Variants in CXCL16 observed in about 807,000 individuals in gnomAD.
The protein encoded by CXCL16 is C-X-C motif chemokine ligand 16, also known as C-X-C motif chemokine 16.
Under a neutral mutation model 23.8 loss-of-function variants are expected in CXCL16, and 18 were observed. That is an observed-to-expected ratio of 0.76 (90% CI 0.52 to 1.12). The LOEUF (loss-of-function observed/expected upper bound fraction) is 1.12, where lower values mean the gene tolerates loss of function less well. Among genes scored for constraint, CXCL16 ranks in the 50% most tolerant of loss-of-function variants. CXCL16 has a pLI of 0.00. For missense variants in CXCL16, 297 were observed against 315.4 expected (o/e 0.94, Z 0.44); for synonymous variants, 123 against 132.5 (o/e 0.93, Z 0.49).
In CXCL16 at chr17:4,735,312, A is replaced by T; in HGVS notation, c.498T>A (p.Arg166=). The change falls in exon 4 of 6, where the codon CGT becomes CGA. Residue 166 remains arginine (R), a synonymous_variant. Coordinates refer to ENST00000293778, the MANE Select transcript of CXCL16 (RefSeq NM_001386809.1). ...CAGTGTGAATGGTGGTTTCATTGGG[A>T]CGAGTGAGCTCTTTGTCCGAGGACA... is the stretch of plus-strand genomic sequence containing the variant. ...GSLSSDKELT[R]PNETTIHTAG... 1.2e-6 allele frequency: 2 copies of T among 1,613,732 alleles called. No individual in the cohort carries two copies. Among genetic ancestry groups the T allele is most frequent in the Non-Finnish European group, 1.7e-6 (2 of 1,179,764 alleles).
chr17:4,739,292 AAGCAGGAGCAGG>A lies in CXCL16; in HGVS notation c.36_47del (p.Leu17_Leu20del). 1 of 1,610,516 alleles carries A rather than the reference AAGCAGGAGCAGG, an allele frequency of 6.2e-7. No individual in the cohort carries two copies. The highest frequency in any genetic ancestry group is 8.5e-7 in the Non-Finnish European group (1 of 1,178,386). On this transcript the variant is annotated inframe_deletion, in exon 1 of 6. Transcript: ENST00000293778. The surrounding 1 kb of genome is among the most constrained non-coding windows in gnomAD (Gnocchi z 5.3). ...GAGTCAGGTACACCAGCAGGAGCAG[AAGCAGGAGCAGG>A]AGCACGCGGGACCCGGGCCGCAAGT...
intron 3 of CXCL16, among the ~76,000 whole-genome samples, chr17:4,735,713 C>A (rs535315387): frequency 8.5e-5 from 1 of 11,754 alleles, no homozygotes; most frequent in Non-Finnish European, 2.6e-4. Context: ...CCTTCAGAAA[C>A]AAAGACCCGA....
rs1030879784 is a variant in CXCL16 at position 4,735,722 on chromosome 17, G to A, written c.302-214C>T. ...TAGGAACCTTCAGAAACAAAGACCC[G>A]AGAAAAGTGCATTTTTATGCTTAGG... On this transcript the variant is annotated intron_variant, in intron 3 of 5. Transcript: ENST00000293778. Among the ~76,000 whole-genome samples, 22 of 4,884 alleles carry A rather than the reference G, an allele frequency of 4.5e-3. No individual in the cohort carries two copies. In the South Asian group the frequency reaches 0.42, roughly 93 times the overall value. The allele number at this position is 4,884 out of a possible 152,430, so 3.2% of individuals were successfully genotyped here.
chr17:4,734,490 A>G lies in CXCL16; in HGVS notation c.*24-11T>C, dbSNP rs749663954. 19 of 847,098 alleles carry G rather than the reference A, an allele frequency of 2.2e-5. No homozygotes were observed. The highest frequency in any genetic ancestry group is 3.4e-5 in the African/African-American group (2 of 59,106). The allele number at this position is 847,098 out of a possible 1,614,324, so 52.5% of individuals were successfully genotyped here. ...ACATAGAGTCCGTCTCTAAAAAACA[A>G]AAAACAAAAACAAGTATGTATACAG... is the stretch of plus-strand genomic sequence containing the variant. On this transcript the variant is annotated splice_polypyrimidine_tract_variant and intron_variant, in intron 5 of 5. Transcript: ENST00000293778.
Position 4,738,235 on chromosome 17 carries a change from A to G in CXCL16, c.301+173T>C. ...GGCAAAACTCATGAAGGTGATGGTGAATGATCACCCCGTTTGGCAAACAGG... is the reference window on the plus strand; with the variant it reads ...GGCAAAACTCATGAAGGTGATGGTGGATGATCACCCCGTTTGGCAAACAGG... On this transcript the variant is annotated intron_variant, in intron 3 of 5. Transcript: ENST00000293778. The surrounding 1 kb of genome is among the most constrained non-coding windows in gnomAD (Gnocchi z 4.0). 6.6e-6 allele frequency among the ~76,000 whole-genome samples: 1 copy of G among 152,216 alleles called. No individual in the cohort carries two copies. The highest frequency in any genetic ancestry group is 6.5e-5 in the Admixed American group (1 of 15,276).
In CXCL16 at chr17:4,734,321, G is replaced by C. The variant is rs182943751; in HGVS notation, c.*182C>G. 2.3e-3 allele frequency: 700 copies of C among 301,576 alleles called. 21 individuals carry two copies. In the Admixed American group the frequency reaches 0.03, roughly 13 times the overall value. 18.7% of individuals were successfully genotyped at this position (301,576 alleles called of 1,614,324 possible). A position where few individuals can be genotyped will look rare whatever the true frequency, so the allele number is the denominator to read the frequency against. ...CCGTTTTTAAATGAGGGGCCTAAGAGAGGGCAGTGGCTGGTTAGTCCTATG... is the reference window on the plus strand; with the variant it reads ...CCGTTTTTAAATGAGGGGCCTAAGACAGGGCAGTGGCTGGTTAGTCCTATG... On this transcript the variant is annotated 3_prime_UTR_variant, in exon 6 of 6. Transcript: ENST00000293778.
At position 4,738,085 on chromosome 17, in the gene CXCL16, G is replaced by C. The variant is rs958717195; in HGVS notation, c.301+323C>G. ...GCAGAGGTTGCAGTGAGCCAAGATC[G>C]TGCCACTGCACTCCAGCCTGGGTGA... On this transcript the variant is annotated intron_variant, in intron 3 of 5. Transcript: ENST00000293778. The surrounding 1 kb of genome is among the most constrained non-coding windows in gnomAD (Gnocchi z 4.0). Among the ~76,000 whole-genome samples the C allele has an allele frequency of 6.7e-6, 1 of 149,672 alleles. No individual in the cohort carries two copies. Among genetic ancestry groups the C allele is most frequent in the African/African-American group, 2.4e-5 (1 of 40,880 alleles).
chr17:4,737,349 A>G (rs9914033), intron 3 of CXCL16, among the ~76,000 whole-genome samples: 103,929 of 148,556 alleles, frequency 0.7, 37,118 homozygotes, highest in Middle Eastern at 0.8. Flanking sequence ...AGGCTGAGGC[A>G]GGTGGATCAC....
intron 3 of CXCL16, among the ~76,000 whole-genome samples, chr17:4,735,813 C>T (rs1402301156): frequency 6.6e-6 from 1 of 152,108 alleles, no homozygotes; most frequent in African/African-American, 2.4e-5. Flanking sequence ...GTGGTTCACG[C>T]CTGTAATCCC....
chr17:4,738,655 C>A lies in CXCL16; in HGVS notation c.218+127G>T, dbSNP rs2150621729. 1 of 1,126,480 alleles carries A rather than the reference C, an allele frequency of 8.9e-7. No homozygotes were observed. The allele number at this position is 1,126,480 out of a possible 1,614,324, so 69.8% of individuals were successfully genotyped here. A position where few individuals can be genotyped will look rare whatever the true frequency, so the allele number is the denominator to read the frequency against. On this transcript the variant is annotated intron_variant, in intron 2 of 5. Coordinates refer to ENST00000293778, the MANE Select transcript of CXCL16 (RefSeq NM_001386809.1). The surrounding 1 kb of genome is among the most constrained non-coding windows in gnomAD (Gnocchi z 4.0). ...GTCATGAAGTTTCGGGGAATGAGAG[C>A]AAACGGAACCCGGAGATGGGGCTCG...
At position 4,739,858 on chromosome 17, in the gene CXCL16, C is replaced by A; in HGVS notation, c.-519G>T. The A allele has an allele frequency of 1.0e-5, 10 of 987,076 alleles. No individual in the cohort carries two copies. Among genetic ancestry groups the A allele is most frequent in the Non-Finnish European group, 1.1e-5 (9 of 831,028 alleles). 61.1% of individuals were successfully genotyped at this position (987,076 alleles called of 1,614,324 possible). A position where few individuals can be genotyped will look rare whatever the true frequency, so the allele number is the denominator to read the frequency against. ...AGCCGCGCTGCATGAGCCTCCCGGG[C>A]GGCCCGGTGGAGAGAGTCGCCGCCA... On this transcript the variant is annotated 5_prime_UTR_variant, in exon 1 of 6. Transcript: ENST00000293778. This position sits in a 1 kb window ranked among gnomAD's most constrained non-coding sequence, Gnocchi z 5.3.
rs1916217152 is a variant in CXCL16 at position 4,738,149 on chromosome 17, G to C, written c.301+259C>G. ...CATCTCAAAAAAATAAAATAAAATA[G>C]TACTTTGATTTCAAGAAAAATATTA... On this transcript the variant is annotated intron_variant, in intron 3 of 5. Coordinates refer to ENST00000293778, the MANE Select transcript of CXCL16 (RefSeq NM_001386809.1). This position sits in a 1 kb window ranked among gnomAD's most constrained non-coding sequence, Gnocchi z 4.0. Among the ~76,000 whole-genome samples the C allele has an allele frequency of 1.3e-5, 2 of 152,056 alleles. No individual in the cohort carries two copies. Among genetic ancestry groups the C allele is most frequent in the East Asian group, 1.9e-4 (1 of 5,196 alleles).
chr17:4,735,008 C>A, intron 4 of CXCL16, 84 bp downstream of exon 4: 1 of 1,378,424 alleles, frequency 7.3e-7, no homozygotes, highest in South Asian at 1.3e-5. Flanking sequence ...GGCCAGGTTT[C>A]CAGCCACCTG....
chr17:4,736,121 A>G (rs1354001023), intron 3 of CXCL16, among the ~76,000 whole-genome samples: 1 of 152,048 alleles, frequency 6.6e-6, no homozygotes, highest in Non-Finnish European at 1.5e-5. Flanking sequence ...TCTAATGGCA[A>G]TAAATGGGGG....
chr17:4,739,122 A>G lies in CXCL16; in HGVS notation c.79+139T>C, dbSNP rs975982413. 20 of 1,281,996 alleles carry G rather than the reference A, an allele frequency of 1.6e-5. No homozygotes were observed. In the East Asian group the frequency reaches 5.1e-4, roughly 33 times the overall value. The allele number at this position is 1,281,996 out of a possible 1,614,324, so 79.4% of individuals were successfully genotyped here. On this transcript the variant is annotated intron_variant, in intron 1 of 5. Transcript: ENST00000293778. The surrounding 1 kb of genome is among the most constrained non-coding windows in gnomAD (Gnocchi z 5.3). ...CAGGCGTCCCCGGGCCTCTGTCCCC[A>G]ACCCCAGGCGGCTGGCTGGCTTTCC...
rs991643669 is a variant in CXCL16, at chr17:4,739,087, C to G, written c.80-167G>C. On this transcript the variant is annotated intron_variant, in intron 1 of 5. Transcript: ENST00000293778. This position sits in a 1 kb window ranked among gnomAD's most constrained non-coding sequence, Gnocchi z 5.3. The stretch of plus-strand genomic sequence containing the variant: ...ACGCCCCCGACAACATCCATAATCC[C>G]GCCCGGAGCCAGGCGTCCCCGGGCC... The G allele has an allele frequency of 2.5e-6, 3 of 1,198,804 alleles. No individual in the cohort carries two copies. Among genetic ancestry groups the G allele is most frequent in the African/African-American group, 3.1e-5 (2 of 64,996 alleles). 74.3% of individuals were successfully genotyped at this position (1,198,804 alleles called of 1,614,324 possible).
Position 4,739,000 on chromosome 17 carries a change from G to C in CXCL16, c.80-80C>G. On this transcript the variant is annotated intron_variant, in intron 1 of 5. Coordinates refer to ENST00000293778, the MANE Select transcript of CXCL16 (RefSeq NM_001386809.1). This position sits in a 1 kb window ranked among gnomAD's most constrained non-coding sequence, Gnocchi z 4.0. ...GCTGTTCCCTGGCATCCAATCCACA[G>C]CCCCATGACAGCCTCTCGGTGGACC... The C allele has an allele frequency of 6.6e-7, 1 of 1,525,652 alleles. No homozygotes were observed. The highest frequency in any genetic ancestry group is 8.9e-7 in the Non-Finnish European group (1 of 1,127,784). The allele number at this position is 1,525,652 out of a possible 1,614,324, so 94.5% of individuals were successfully genotyped here.
chr17:4,738,482 A>T lies in CXCL16; in HGVS notation c.227T>A (p.Leu76His). 1 of 1,613,322 alleles carries T rather than the reference A, an allele frequency of 6.2e-7. No individual in the cohort carries two copies. Among genetic ancestry groups the T allele is most frequent in the Non-Finnish European group, 8.5e-7 (1 of 1,179,326 alleles). The change falls in exon 3 of 6, where the codon CTC becomes CAC. Residue 76 changes from leucine to histidine, a missense_variant. Leu to His is a moderately conservative substitution (Grantham distance 99). Transcript: ENST00000293778. This position sits in a 1 kb window ranked among gnomAD's most constrained non-coding sequence, Gnocchi z 4.0. ...GCCCCCACACACGCTCCAGGAAAGGAGCTGGAACCTGCGGAGGAGAGACCT... is the reference window on the plus strand; with the variant it reads ...GCCCCCACACACGCTCCAGGAAAGGTGCTGGAACCTGCGGAGGAGAGACCT... ...HRCLYYTRFQ[L>H]LSWSVCGGNK...
chr17:4,734,871 C>T (rs1916103366), intron 4 of CXCL16, among the ~76,000 whole-genome samples: 1 of 152,242 alleles, frequency 6.6e-6, no homozygotes, highest in Non-Finnish European at 1.5e-5. Context: ...CATGATGTTG[C>T]TCCAAGCACT....
Sources: allele counts gnomAD v4.1 joint callset (sites outside exome capture counted in the v4.1 genomes callset), GRCh38; gene constraint gnomAD v4.1.1; non-coding constraint Gnocchi (gnomAD v3.1); transcripts MANE v1.5; gene names NCBI Gene and HGNC (gene_info 2026-07-23, HGNC 2026-07-21).